Variants in DNAH12 observed in about 807,000 individuals in gnomAD.
DNAH12 encodes dynein axonemal heavy chain 12.
DNAH12 carries 285 observed loss-of-function variants against 371.5 expected under a neutral mutation model. The observed-to-expected ratio is 0.77, with a 90% CI of 0.70 to 0.85. The LOEUF is 0.85. Ranked by LOEUF, DNAH12 falls within the 40% of genes least tolerant of loss-of-function variation. The pLI is 0.00. For missense variants in DNAH12, 3,611 were observed against 3,689.4 expected (o/e 0.98, Z 0.55); for synonymous variants, 1,200 against 1,213.0 (o/e 0.99, Z 0.22).
chr3:57,509,546 G>C, intron 5 of DNAH12, among the ~76,000 whole-genome samples: 1 of 152,044 alleles, frequency 6.6e-6, no homozygotes, highest in Non-Finnish European at 1.5e-5. Context: ...AGTTAGATAG[G>C]AGGGAACAAG....
chr3:57,295,584 A>G lies in DNAH12; in HGVS notation c.11633T>C (p.Leu3878Pro). 1 of 1,544,034 alleles carries G rather than the reference A, an allele frequency of 6.5e-7. No homozygotes were observed. Among genetic ancestry groups the G allele is most frequent in the Non-Finnish European group, 8.8e-7 (1 of 1,142,632 alleles). The change falls in exon 73 of 74, where the codon CTT becomes CCT. Residue 3878 changes from leucine (L) to proline (P), a missense_variant. Transcript: ENST00000495027. Reference sequence around the variant, plus strand: ...CAGAAGTTTGGGATATTGTTCAGCAAGCAATCCACTGTAACGAGAAATTGA... The same window carrying G: ...CAGAAGTTTGGGATATTGTTCAGCAGGCAATCCACTGTAACGAGAAATTGA... ...GARWDRESGL[L>P]AEQYPKLLFD...
chr3:57,361,310 C>T (rs2062922355), intron 58 of DNAH12, among the ~76,000 whole-genome samples: 1 of 151,408 alleles, frequency 6.6e-6, no homozygotes, highest in Admixed American at 6.6e-5. Flanking sequence ...GATCACGCCA[C>T]TGCACTCCAG....
intron 11 of DNAH12, among the ~76,000 whole-genome samples, chr3:57,495,197 T>C (rs1047553112): frequency 3.9e-5 from 6 of 152,208 alleles, no homozygotes; most frequent in African/African-American, 1.4e-4. Flanking sequence ...TGTGAATTAC[T>C]TCTCAATAAA....
intron 13 of DNAH12, among the ~76,000 whole-genome samples, chr3:57,480,565 A>ATTT (rs1022103045): frequency 6.6e-6 from 1 of 151,350 alleles, no homozygotes; most frequent in African/African-American, 2.4e-5. Context: ...TCCCTAACTC[A>ATTT]TTTTATGAGG....
chr3:57,420,908 C>CAAAAA (rs369971376), intron 36 of DNAH12, among the ~76,000 whole-genome samples: 1,582 of 77,816 alleles, frequency 0.02, 73 homozygotes, highest in African/African-American at 0.078. Flanking sequence ...GACTCCGTCT[C>CAAAAA]AAAAAAAAAA....
chr3:57,365,554 G>A (rs893812972), intron 57 of DNAH12, among the ~76,000 whole-genome samples: 10 of 151,900 alleles, frequency 6.6e-5, no homozygotes, highest in Non-Finnish European at 1.2e-4. Context: ...AAATCACCAT[G>A]GCACACGTTT....
intron 13 of DNAH12, among the ~76,000 whole-genome samples, chr3:57,482,264 C>T (rs1446467256): frequency 3.3e-5 from 5 of 152,070 alleles, no homozygotes; most frequent in African/African-American, 9.7e-5. Context: ...GGGCAAAGGA[C>T]ATGAACAGAC....
chr3:57,390,424 A>AAAAAAAAATATATATATATATATATATAT, intron 45 of DNAH12, among the ~76,000 whole-genome samples: 3 of 33,438 alleles, frequency 9.0e-5, no homozygotes, highest in African/African-American at 1.9e-4. Flanking sequence ...AAAAAAAAAA[A>AAAAAAAAATATATATATATATATATATAT]ATATATATAT....
chr3:57,480,938 C>T (rs1381218165), intron 13 of DNAH12, among the ~76,000 whole-genome samples: 9 of 152,108 alleles, frequency 5.9e-5, no homozygotes, highest in African/African-American at 2.2e-4. Context: ...TAAGAGCTAT[C>T]TATGACAAAC....
At chr3:57,333,722 T>C (rs191961896) in intron 62 of DNAH12, among the ~76,000 whole-genome samples, 22 of 152,332 alleles carry the variant, frequency 1.4e-4, no homozygotes, top group Admixed American at 9.2e-4. Context: ...CAGGTGTTTG[T>C]TGACCCCTGA....
intron 60 of DNAH12, among the ~76,000 whole-genome samples, chr3:57,349,241 A>G (rs936196660): frequency 3.3e-5 from 5 of 152,204 alleles, no homozygotes; most frequent in Non-Finnish European, 7.3e-5. Context: ...CAACATCACT[A>G]ATTATCAGGG....
intron 25 of DNAH12, among the ~76,000 whole-genome samples, chr3:57,452,128 A>C (rs2065776605): frequency 6.6e-6 from 1 of 152,058 alleles, no homozygotes; most frequent in Non-Finnish European, 1.5e-5. Flanking sequence ...GGAGGTAAGA[A>C]TTGAGGTCGC....
chr3:57,308,042 C>A (rs1284984001), intron 69 of DNAH12, among the ~76,000 whole-genome samples: 1 of 152,126 alleles, frequency 6.6e-6, no homozygotes, highest in Admixed American at 6.5e-5. Context: ...ATTATTCAGG[C>A]CCCCTCCCTT....
In DNAH12 at chr3:57,391,955, A is replaced by C. The variant is rs2063632685; in HGVS notation, c.7222T>G (p.Phe2408Val). Residue 2408 changes from phenylalanine (F) to valine (V), a missense_variant, in exon 45 of 74, where the codon TTT becomes GTT. By Grantham distance (50) the Phe-to-Val change is conservative. Around this residue, in one of 3 missense-constraint regions of DNAH12, gnomAD observed 2,266 missense variants for 2,236.9 expected, o/e 1.01. Transcript: ENST00000495027. ...CKDNLHVVVA[F>V]SPIGDAFRNR... ...CGAAAGGCATCTCCAATGGGGCTAAAGGCCACCACGACATGAAGATTATCT... is the reference window on the plus strand; with the variant it reads ...CGAAAGGCATCTCCAATGGGGCTAACGGCCACCACGACATGAAGATTATCT... The C allele has an allele frequency of 6.6e-6, 1 of 152,566 alleles. No individual in the cohort carries two copies. The highest frequency in any genetic ancestry group is 2.1e-4 in the South Asian group (1 of 4,838). The allele number at this position is 152,566 out of a possible 1,614,324, so 9.5% of individuals were successfully genotyped here. A position where few individuals can be genotyped will look rare whatever the true frequency, so the allele number is the denominator to read the frequency against.
At chr3:57,479,974 G>A (rs377332756) in intron 13 of DNAH12, among the ~76,000 whole-genome samples, 13 of 151,988 alleles carry the variant, frequency 8.6e-5, no homozygotes, top group African/African-American at 2.7e-4. Flanking sequence ...AGCAGGAAAG[G>A]TCCAAAATTG....
intron 39 of DNAH12, among the ~76,000 whole-genome samples, chr3:57,411,526 CAAAAAAA>C (rs57344840): frequency 5.2e-3 from 204 of 39,104 alleles, no homozygotes; most frequent in Middle Eastern, 0.029. Context: ...GACACTGTCT[CAAAAAAA>C]AAAAAAAAAA....
intron 37 of DNAH12, among the ~76,000 whole-genome samples, chr3:57,417,652 T>C (rs113869239): frequency 1.7e-4 from 26 of 152,252 alleles, no homozygotes; most frequent in African/African-American, 5.3e-4. Flanking sequence ...TTGTCACCAG[T>C]AGAAATCATA....
At position 57,495,031 on chromosome 3, in the gene DNAH12, A is replaced by G. The variant is rs1372860545; in HGVS notation, c.1336-5344T>C. Among the ~76,000 whole-genome samples the G allele has an allele frequency of 2.0e-5, 3 of 152,078 alleles. No homozygotes were observed. The East Asian group carries it at 5.8e-4, about 29-fold the overall frequency. On this transcript the variant is annotated intron_variant, in intron 11 of 73. Transcript: ENST00000495027. ...CTCAAAAAAAAAAATGTTACTAGAG[A>G]TAAACAGAGATATTTTAAAATAATA... is the stretch of plus-strand genomic sequence containing the variant.
chr3:57,323,554 T>C lies in DNAH12; in HGVS notation c.10044A>G (p.Pro3348=). The C allele has an allele frequency of 6.4e-7, 1 of 1,550,744 alleles. No homozygotes were observed. Among genetic ancestry groups the C allele is most frequent in the Middle Eastern group, 1.7e-4 (1 of 5,986 alleles). The stretch of plus-strand genomic sequence containing the variant: ...CCAAGTAACTCTTTGTCAAATCAAA[T>C]GGTGGAGGCTCTACAAACTTTTTCC... ...KLGKKFVEPP[P]FDLTKSYLDS... Residue 3348 remains proline (P), a synonymous_variant, in exon 63 of 74, where the codon CCA becomes CCG. Coordinates refer to ENST00000495027, the MANE Select transcript of DNAH12 (RefSeq NM_001366028.2).
Sources: gnomAD v4.1 joint callset for allele counts (sites outside exome capture counted in the v4.1 genomes callset) on GRCh38, gnomAD v4.1.1 for gene constraint, gnomAD v4.1.1 regional missense constraint, MANE v1.5 for transcripts, NCBI Gene and HGNC (gene_info 2026-07-23, HGNC 2026-07-21) for gene names.